The following MYO3B variants were observed in gnomAD, a reference collection of about 807,000 sequenced individuals.
MYO3B encodes the protein myosin IIIB, also known as myosin-IIIb.
MYO3B carries 156 observed loss-of-function variants against 174.6 expected under a neutral mutation model. The ratio of observed to expected loss-of-function variants is 0.89; its 90% CI spans 0.78 to 1.02. The LOEUF (loss-of-function observed/expected upper bound fraction) is 1.02, where lower values mean the gene tolerates loss of function less well. Ranked by LOEUF, MYO3B falls within the 50% of genes least tolerant of loss-of-function variation. MYO3B has a pLI of 0.00. For synonymous variants in MYO3B, 563 were observed against 569.1 expected (o/e 0.99, Z 0.15); for missense variants, 1,632 against 1,639.4 (o/e 1.00, Z 0.08).
At chr2:170,560,325 T>C (rs1691622145) in intron 32 of MYO3B, among the ~76,000 whole-genome samples, 1 of 152,156 alleles carries the variant, frequency 6.6e-6, no homozygotes, top group Admixed American at 6.5e-5. Context: ...GGGAGGGAGT[T>C]GTTTCATTAA....
At chr2:170,317,274 G>T (rs1349660350) in intron 7 of MYO3B, among the ~76,000 whole-genome samples, 1 of 145,752 alleles carries the variant, frequency 6.9e-6, no homozygotes, top group African/African-American at 2.5e-5. Flanking sequence ...AATTGGAAAA[G>T]TATCTCACAT....
At position 170,602,253 on chromosome 2, in the gene MYO3B, G is replaced by A. The variant is rs1694556892; in HGVS notation, c.3734-49375G>A. 5.0e-5 allele frequency: 43 copies of A among 851,506 alleles called. No individual in the cohort carries two copies. The South Asian group carries it at 5.4e-4, about 11-fold the overall frequency. 52.7% of individuals were successfully genotyped at this position (851,506 alleles called of 1,614,324 possible). Reference sequence around the variant, plus strand: ...TGTTGAGTTATTTTTCCTCAGCGAGGCACACAGTCACCCAGTGCCCGTCCG... The same window carrying A: ...TGTTGAGTTATTTTTCCTCAGCGAGACACACAGTCACCCAGTGCCCGTCCG... On this transcript the variant is annotated intron_variant, in intron 32 of 34. Coordinates refer to ENST00000408978, the MANE Select transcript of MYO3B (RefSeq NM_138995.5).
chr2:170,398,236 A>C (rs914468192), intron 16 of MYO3B, among the ~76,000 whole-genome samples: 2 of 150,900 alleles, frequency 1.3e-5, no homozygotes, highest in Admixed American at 1.3e-4. Flanking sequence ...AAGAAAAAAA[A>C]AAAAAAAAAA....
Position 170,232,004 on chromosome 2 carries a change from G to A in MYO3B, c.604-3987G>A, listed in dbSNP as rs117334176. Reference sequence around the variant, plus strand: ...GGGATCCTGGACCTTTGTCAACACCGTCTCATTTCTCTCCACTCCTTTAAT... The same window carrying A: ...GGGATCCTGGACCTTTGTCAACACCATCTCATTTCTCTCCACTCCTTTAAT... On this transcript the variant is annotated intron_variant, in intron 6 of 34. Coordinates refer to ENST00000408978, the MANE Select transcript of MYO3B (RefSeq NM_138995.5). 3.2e-4 allele frequency among the ~76,000 whole-genome samples: 48 copies of A among 152,240 alleles called. No individual in the cohort carries two copies. The East Asian group carries it at 8.1e-3, about 26-fold the overall frequency.
At chr2:170,605,213 T>C (rs566608849) in intron 32 of MYO3B, among the ~76,000 whole-genome samples, 1 of 152,284 alleles carries the variant, frequency 6.6e-6, no homozygotes, top group East Asian at 1.9e-4. Flanking sequence ...TCTTCTCAGC[T>C]TCTGTGAAGA....
chr2:170,334,564 T>C (rs188614273), intron 7 of MYO3B: 2 of 152,286 alleles, frequency 1.3e-5, no homozygotes, highest in East Asian at 3.9e-4. Flanking sequence ...TTTTCTGAAC[T>C]TGAGTTGCCG....
At chr2:170,234,173 A>AG (rs1318591540) in intron 6 of MYO3B, among the ~76,000 whole-genome samples, 1 of 76,252 alleles carries the variant, frequency 1.3e-5, no homozygotes, top group East Asian at 3.0e-4. Flanking sequence ...TCCGTCTCAA[A>AG]AAAAAAAAAA....
intron 7 of MYO3B, among the ~76,000 whole-genome samples, chr2:170,247,472 T>C (rs2093204364): frequency 6.6e-6 from 1 of 152,186 alleles, no homozygotes; most frequent in African/African-American, 2.4e-5. Flanking sequence ...GGGCATTGAC[T>C]TCTACCAGGC....
At chr2:170,354,617 CTCCCCCTTCTTTCCCAACCT>C (rs1268694961) in intron 8 of MYO3B, among the ~76,000 whole-genome samples, 1 of 152,190 alleles carries the variant, frequency 6.6e-6, no homozygotes, top group African/African-American at 2.4e-5. Flanking sequence ...CTGTCTCCCC[CTCCCCCTTCTTTCCCAACCT>C]CTTGGGAACA....
chr2:170,629,270 A>G (rs1575290309), intron 32 of MYO3B, among the ~76,000 whole-genome samples: 1 of 152,008 alleles, frequency 6.6e-6, no homozygotes, highest in Non-Finnish European at 1.5e-5. Flanking sequence ...CACCCTGATT[A>G]CCCCTCCAAA....
intron 7 of MYO3B, among the ~76,000 whole-genome samples, chr2:170,262,808 G>A (rs2093355231): frequency 6.6e-6 from 1 of 152,102 alleles, no homozygotes. Flanking sequence ...GGCCATTTGT[G>A]TATTTGGTTA....
chr2:170,639,062 C>A (rs1056191714), intron 32 of MYO3B, among the ~76,000 whole-genome samples: 33 of 152,194 alleles, frequency 2.2e-4, no homozygotes, highest in African/African-American at 7.2e-4. Context: ...GAATCAAAGA[C>A]CCCGTCACAA....
intron 22 of MYO3B, among the ~76,000 whole-genome samples, chr2:170,424,745 T>C (rs1214797827): frequency 6.6e-6 from 1 of 152,240 alleles, no homozygotes; most frequent in East Asian, 1.9e-4. Context: ...AGTTCTCTTA[T>C]AGGTCCTGAA....
chr2:170,273,570 T>A (rs2093440571), intron 7 of MYO3B, among the ~76,000 whole-genome samples: 1 of 152,194 alleles, frequency 6.6e-6, no homozygotes, highest in African/African-American at 2.4e-5. Flanking sequence ...TCGTTCTTTA[T>A]GTTTAACACA....
chr2:170,563,087 CAT>C (rs1489743415), intron 32 of MYO3B, among the ~76,000 whole-genome samples: 14 of 147,534 alleles, frequency 9.5e-5, no homozygotes, highest in Admixed American at 4.7e-4. Context: ...ACTACACACA[CAT>C]ACACTCTTTC....
intron 25 of MYO3B, among the ~76,000 whole-genome samples, chr2:170,483,043 C>T (rs1685797261): frequency 6.6e-6 from 1 of 152,262 alleles, no homozygotes; most frequent in Non-Finnish European, 1.5e-5. Flanking sequence ...TTAGAAAAAT[C>T]ATTTCTGTAG....
At chr2:170,245,414 A>G (rs2093179144) in intron 7 of MYO3B, among the ~76,000 whole-genome samples, 1 of 152,242 alleles carries the variant, frequency 6.6e-6, no homozygotes, top group Non-Finnish European at 1.5e-5. Flanking sequence ...TAGAGCACCC[A>G]CTACCAGCAT....
intron 6 of MYO3B, among the ~76,000 whole-genome samples, chr2:170,234,680 C>T (rs1460558759): frequency 6.6e-6 from 1 of 152,204 alleles, no homozygotes; most frequent in Non-Finnish European, 1.5e-5. Flanking sequence ...GTCCACTCTT[C>T]ACCCCAAACC....
rs958146906 is a variant in MYO3B at position 170,655,165 on chromosome 2, G to A, written c.*2044G>A. ...TATAAATAAACTTAAAAAGAAAACA[G>A]AAGTAATTGTGGAATCATAATCCAG... On this transcript the variant is annotated 3_prime_UTR_variant, in exon 35 of 35. Transcript: ENST00000408978. 1 of 152,094 alleles carries A rather than the reference G, an allele frequency of 6.6e-6. No individual in the cohort carries two copies. Among genetic ancestry groups the A allele is most frequent in the African/African-American group, 2.4e-5 (1 of 41,426 alleles). 9.4% of individuals were successfully genotyped at this position (152,094 alleles called of 1,614,324 possible).
Sources: gnomAD v4.1 joint callset for allele counts (sites outside exome capture counted in the v4.1 genomes callset) on GRCh38, gnomAD v4.1.1 for gene constraint, MANE v1.5 for transcripts, NCBI Gene and HGNC (gene_info 2026-07-23, HGNC 2026-07-21) for gene names.